The following NAA60 variants were observed in gnomAD, a reference collection of about 807,000 sequenced individuals.
NAA60 encodes N-alpha-acetyltransferase 60, NatF catalytic subunit.
In NAA60, 8 loss-of-function variants were observed where a neutral mutation model predicts 26.1. The observed-to-expected ratio is 0.31, with a 90% CI of 0.18 to 0.55. The LOEUF (loss-of-function observed/expected upper bound fraction) is 0.55, where lower values mean the gene tolerates loss of function less well. Among genes scored for constraint, NAA60 ranks in the 20% least tolerant of loss-of-function variants. The probability of loss-of-function intolerance (pLI) is 0.93; values close to 1 mark genes in which losing one functional copy is unlikely to be tolerated. For missense variants in NAA60, 290 were observed against 311.3 expected, an observed-to-expected ratio of 0.93 and a Z score of 0.51; for synonymous variants, 131 against 122.5, an observed-to-expected ratio of 1.07 and a Z score of -0.46.
chr16:3,443,941 C>CTT, intron 1 of NAA60, 104 bp downstream of exon 1: 1 of 1,417,286 alleles, frequency 7.1e-7, no homozygotes, highest in African/African-American at 1.4e-5. Flanking sequence ...TTGAGCTGTC[C>CTT]TTTGTGTCTT....
chr16:3,462,104 A>AAAAAAAAAAAAAAAAC (rs1414883728), intron 2 of NAA60, among the ~76,000 whole-genome samples: 1 of 151,652 alleles, frequency 6.6e-6, no homozygotes. Flanking sequence ...AAAAAAAAAA[A>AAAAAAAAAAAAAAAAC]ACCTTTCAGT....
At chr16:3,463,879 A>G (rs2035575373) in intron 2 of NAA60, among the ~76,000 whole-genome samples, 1 of 152,204 alleles carries the variant, frequency 6.6e-6, no homozygotes, top group Non-Finnish European at 1.5e-5. Context: ...TCATTTTGAC[A>G]TACAACATCT....
intron 2 of NAA60, among the ~76,000 whole-genome samples, chr16:3,469,772 G>A (rs1297713470): frequency 6.6e-6 from 1 of 152,264 alleles, no homozygotes; most frequent in Non-Finnish European, 1.5e-5. Flanking sequence ...TGAGTACTTA[G>A]TAGAAGGTTC....
At chr16:3,460,099 A>G (rs188519786) in intron 2 of NAA60, among the ~76,000 whole-genome samples, 9 of 152,280 alleles carry the variant, frequency 5.9e-5, no homozygotes, top group Non-Finnish European at 1.0e-4. Flanking sequence ...CATTGCAGCC[A>G]TAGGGAACAG....
intron 4 of NAA60, among the ~76,000 whole-genome samples, chr16:3,481,302 C>T (rs1381470293): frequency 2.0e-5 from 3 of 152,180 alleles, no homozygotes; most frequent in African/African-American, 4.8e-5. Context: ...GTTGGCCATG[C>T]TGATCTGGAA....
intron 1 of NAA60, among the ~76,000 whole-genome samples, chr16:3,445,826 C>T (rs2034528908): frequency 6.6e-6 from 1 of 152,138 alleles, no homozygotes; most frequent in East Asian, 1.9e-4. Flanking sequence ...CCTAGACTAT[C>T]TTTCCTAAGA....
intron 1 of NAA60, among the ~76,000 whole-genome samples, chr16:3,446,530 G>GAAA (rs200188990): frequency 2.4e-5 from 2 of 81,858 alleles, no homozygotes; most frequent in Non-Finnish European, 4.9e-5. Flanking sequence ...GACTCTGTCT[G>GAAA]AAAAAAAAAA....
intron 2 of NAA60, among the ~76,000 whole-genome samples, chr16:3,449,146 G>T (rs539608336): frequency 6.6e-6 from 1 of 152,198 alleles, no homozygotes; most frequent in Non-Finnish European, 1.5e-5. Context: ...GGTGAGGCGG[G>T]TAGATCTCTG....
chr16:3,479,636 C>T, intron 4 of NAA60, 36 bp downstream of exon 4: 3 of 1,610,380 alleles, frequency 1.9e-6, no homozygotes, highest in Non-Finnish European at 2.5e-6. Context: ...TTGGCAGTCA[C>T]TGTCATTGGA....
intron 2 of NAA60, among the ~76,000 whole-genome samples, chr16:3,474,106 G>A (rs939433670): frequency 2.0e-5 from 3 of 152,170 alleles, no homozygotes; most frequent in Non-Finnish European, 4.4e-5. Context: ...GCACAAGGGC[G>A]GGGTGGGGGG....
intron 3 of NAA60, 120 bp from the exon 4 acceptor site, chr16:3,479,351 G>C: frequency 2.0e-6 from 2 of 994,518 alleles, no homozygotes; most frequent in Non-Finnish European, 1.5e-6. Context: ...CACACTCCTC[G>C]GCAGCCTTAG....
chr16:3,457,482 C>T (rs1243782846), intron 2 of NAA60, among the ~76,000 whole-genome samples: 2 of 152,202 alleles, frequency 1.3e-5, no homozygotes, highest in African/African-American at 2.4e-5. Context: ...CATTATAGAA[C>T]CCCTACAACC....
chr16:3,443,723 T>C lies in NAA60; in HGVS notation c.-191T>C. The C allele has an allele frequency of 6.8e-7, 1 of 1,478,216 alleles. No homozygotes were observed. Among genetic ancestry groups the C allele is most frequent in the South Asian group, 1.3e-5 (1 of 77,446 alleles). The allele number at this position is 1,478,216 out of a possible 1,614,324, so 91.6% of individuals were successfully genotyped here. A position where few individuals can be genotyped will look rare whatever the true frequency, so the allele number is the denominator to read the frequency against. ...TCTCCTCCGTGAGCTCCGGGCCTGT[T>C]TGCCTGCTGAAGTAGAGTCTTAGGG... On this transcript the variant is annotated 5_prime_UTR_variant, in exon 1 of 8. Coordinates refer to ENST00000407558, the MANE Select transcript of NAA60 (RefSeq NM_001083601.3).
chr16:3,485,082 A>G (rs2151024960), intron 7 of NAA60, 21 bp downstream of exon 7: 5 of 1,359,622 alleles, frequency 3.7e-6, no homozygotes, highest in Non-Finnish European at 5.1e-6. Flanking sequence ...GCAGACACAA[A>G]GGTATGGGAG....
chr16:3,477,035 C>G (rs1339361143), intron 3 of NAA60, among the ~76,000 whole-genome samples: 1 of 151,606 alleles, frequency 6.6e-6, no homozygotes, highest in African/African-American at 2.4e-5. Context: ...GAGCGATATT[C>G]CGTTTCAAAA....
rs2037123331 is a variant in NAA60, at chr16:3,485,864, A to G, written c.*604A>G. 2.8e-6 allele frequency: 1 copy of G among 359,368 alleles called. No individual in the cohort carries two copies. Among genetic ancestry groups the G allele is most frequent in the South Asian group, 2.1e-5 (1 of 48,530 alleles). 22.3% of individuals were successfully genotyped at this position (359,368 alleles called of 1,614,324 possible). The stretch of plus-strand genomic sequence containing the variant: ...TGGGGGAGGCTTTCCTCGCAAGCAC[A>G]GAGCTCTGAGGCTCAGCCCCCTGGC... On this transcript the variant is annotated 3_prime_UTR_variant, in exon 8 of 8. Transcript: ENST00000407558.
At chr16:3,462,086 C>CAAAAAAAAAAAG (rs2035438253) in intron 2 of NAA60, among the ~76,000 whole-genome samples, 1 of 76,802 alleles carries the variant, frequency 1.3e-5, no homozygotes. Flanking sequence ...GACCTTATAT[C>CAAAAAAAAAAAG]AAAAAAAAAA....
chr16:3,458,156 C>T, intron 2 of NAA60: 1 of 985,090 alleles, frequency 1.0e-6, no homozygotes, highest in Non-Finnish European at 1.2e-6. Flanking sequence ...TACAACACCC[C>T]CAGCGGCCGC....
At position 3,479,547 on chromosome 16, in the gene NAA60, A is replaced by G. The variant is rs761553965; in HGVS notation, c.187A>G (p.Ile63Val). The G allele has an allele frequency of 1.9e-6, 3 of 1,614,070 alleles. No homozygotes were observed. The Admixed American group carries it at 5.0e-5, about 27-fold the overall frequency. Residue 63 changes from isoleucine to valine, a missense_variant, in exon 4 of 8, where the codon ATT becomes GTT. Coordinates refer to ENST00000407558, the MANE Select transcript of NAA60 (RefSeq NM_001083601.3). ...FSLAATYRGA[I>V]VGMIVAEIKN... ...CCTTGCTGCAACCTACAGAGGTGCC[A>G]TTGTGGGAATGATAGTAGCTGAAAT...
Sources: allele counts gnomAD v4.1 joint callset (sites outside exome capture counted in the v4.1 genomes callset), GRCh38; gene constraint gnomAD v4.1.1; transcripts MANE v1.5; gene names NCBI Gene and HGNC (gene_info 2026-07-23, HGNC 2026-07-21).